The following FAT2 variants were observed in gnomAD, a reference collection of about 807,000 sequenced individuals.
FAT2 encodes FAT atypical cadherin 2.
A neutral mutation model predicts 295.3 loss-of-function variants in FAT2; 150 were observed. That is an observed-to-expected ratio of 0.51 (90% confidence interval 0.44 to 0.58). The LOEUF is 0.58. Ranked by LOEUF, FAT2 falls within the 20% of genes least tolerant of loss-of-function variation. The pLI is 0.00. For missense variants in FAT2, 4,868 were observed against 5,442.7 expected, an observed-to-expected ratio of 0.89 and a Z score of 3.32; for synonymous variants, 2,026 against 2,150.3, an observed-to-expected ratio of 0.94 and a Z score of 1.60.
chr5:151,574,705 T>C (rs1270854910), intron 1 of FAT2, among the ~76,000 whole-genome samples: 1 of 152,216 alleles, frequency 6.6e-6, no homozygotes, highest in Non-Finnish European at 1.5e-5. Context: ...GAACACCAGC[T>C]CTATTGGTTT....
chr5:151,561,068 G>A (rs557146093), intron 3 of FAT2, among the ~76,000 whole-genome samples: 45 of 152,340 alleles, frequency 3.0e-4, no homozygotes, highest in East Asian at 1.2e-3. Context: ...TGAATATAAC[G>A]TCCTGTATGA....
Position 151,512,713 on chromosome 5 carries a change from G to C in FAT2, c.11464-107C>G. ...TTGTTTGTATTTTTATGGGTAGGAGGGGGGTGTTTGGCTGTTTTAGACATG... is the reference window on the plus strand; with the variant it reads ...TTGTTTGTATTTTTATGGGTAGGAGCGGGGTGTTTGGCTGTTTTAGACATG... On this transcript the variant is annotated intron_variant, in intron 20 of 23. Coordinates refer to ENST00000261800, the MANE Select transcript of FAT2 (RefSeq NM_001447.3). This position sits in a 1 kb window ranked among gnomAD's most constrained non-coding sequence, Gnocchi z 4.1. The C allele has an allele frequency of 5.7e-6, 6 of 1,055,616 alleles. No homozygotes were observed. Among genetic ancestry groups the C allele is most frequent in the Middle Eastern group, 2.4e-4 (1 of 4,132 alleles). 65.4% of individuals were successfully genotyped at this position (1,055,616 alleles called of 1,614,324 possible).
At position 151,567,522 on chromosome 5, in the gene FAT2, G is replaced by A. The variant is rs1222688569; in HGVS notation, c.1410C>T (p.Asn470=). The A allele has an allele frequency of 6.2e-7, 1 of 1,614,158 alleles. No homozygotes were observed. The highest frequency in any genetic ancestry group is 1.7e-5 in the Admixed American group (1 of 60,024). ...CCAAAACACTGGTGCCTGGAGGGAT[G>A]TTCTCATCCAAGGTACCATCATAGG... is the stretch of plus-strand genomic sequence containing the variant. The part of the protein sequence containing the change: ...RSSYDGTLDE[N]IPPGTSVLAV... Residue 470 remains asparagine, a synonymous_variant, in exon 2 of 24, where the codon AAC becomes AAT. Coordinates refer to ENST00000261800, the MANE Select transcript of FAT2 (RefSeq NM_001447.3).
chr5:151,567,000 A>G lies in FAT2; in HGVS notation c.1932T>C (p.Asp644=), dbSNP rs530306951. 2.2e-4 allele frequency: 356 copies of G among 1,614,174 alleles called. No homozygotes were observed. The South Asian group carries it at 3.7e-3, about 17-fold the overall frequency. Residue 644 remains aspartate (D), a synonymous_variant, in exon 2 of 24, where the codon GAT becomes GAC. Coordinates refer to ENST00000261800, the MANE Select transcript of FAT2 (RefSeq NM_001447.3). ...TTGTGGGTGAGGCATAGTTTTTGCC[A>G]TCTGAGGCTGTAATCTTCAGGGAAT... ...TSYSLKITAS[D]GKNYASPTTL...
At chr5:151,563,002 T>C (rs1758086795) in intron 3 of FAT2, among the ~76,000 whole-genome samples, 2 of 152,174 alleles carry the variant, frequency 1.3e-5, no homozygotes, top group African/African-American at 2.4e-5. Flanking sequence ...GGTTGACCAA[T>C]GGGCAACCTG....
rs145497445 is a variant in FAT2, at chr5:151,521,600, T to G, written c.10993A>C (p.Asn3665His). 1.4e-5 allele frequency: 23 copies of G among 1,614,086 alleles called. No individual in the cohort carries two copies. The highest frequency in any genetic ancestry group is 1.5e-5 in the Non-Finnish European group (18 of 1,180,042). The change falls in exon 19 of 24, where the codon AAC becomes CAC. Residue 3665 changes from asparagine to histidine, a missense_variant. Asn to His is a moderately conservative substitution (Grantham distance 68). Around this residue, in one of 5 missense-constraint regions of FAT2, gnomAD observed 1,046 missense variants for 1,210.1 expected, o/e 0.86. Transcript: ENST00000261800. ...GGCTGGAGGCTGGCCAAGTGAATGT[T>G]AGCCCGTTTGATGTCCAGCTTATGG... ...LSHKLDIKRANIHLASLQPAE... is the reference protein window; with the variant it reads ...LSHKLDIKRAHIHLASLQPAE...
rs1180729279 is a variant in FAT2 at position 151,546,303 on chromosome 5, C to T, written c.4824G>A (p.Leu1608=). 4 of 1,613,616 alleles carry T rather than the reference C, an allele frequency of 2.5e-6. No homozygotes were observed. The highest frequency in any genetic ancestry group is 4.5e-5 in the East Asian group (2 of 44,892). Residue 1608 remains leucine, a synonymous_variant, in exon 10 of 24, where the codon CTG becomes CTA. Coordinates refer to ENST00000261800, the MANE Select transcript of FAT2 (RefSeq NM_001447.3). ...NSEGFFNINA[L]LGIITLAQKL... is the part of the protein sequence containing the mutation. ...TTTGAGCTAGAGTAATGATGCCTAG[C>T]AGGGCATTGATGTTGAAGAAACCTT...
intron 3 of FAT2, among the ~76,000 whole-genome samples, chr5:151,561,975 A>C (rs181560364): frequency 2.1e-4 from 32 of 152,176 alleles, no homozygotes; most frequent in African/African-American, 7.5e-4. Context: ...CTTAGGTGAG[A>C]GATCTCTTCC....
At chr5:151,557,961 T>A (rs1757845603) in intron 3 of FAT2, among the ~76,000 whole-genome samples, 1 of 152,140 alleles carries the variant, frequency 6.6e-6, no homozygotes, top group Non-Finnish European at 1.5e-5. Flanking sequence ...GACCCACTAA[T>A]CCCCTCTGTG....
rs763553554 is a variant in FAT2, at chr5:151,517,592, G to A, written c.11463+28C>T. On this transcript the variant is annotated intron_variant, in intron 20 of 23. Transcript: ENST00000261800. The stretch of plus-strand genomic sequence containing the variant: ...CCTCCCCAGCCTGGGACACCCACAT[G>A]AAATCTCTCAGGCTGGCAGTGCCTT... 3 of 1,613,006 alleles carry A rather than the reference G, an allele frequency of 1.9e-6. No homozygotes were observed. In the South Asian group the frequency reaches 3.3e-5, roughly 18 times the overall value.
chr5:151,574,355 G>A (rs575007814), intron 1 of FAT2, among the ~76,000 whole-genome samples: 3 of 152,186 alleles, frequency 2.0e-5, no homozygotes, highest in African/African-American at 7.2e-5. Flanking sequence ...TCTGCCCCAG[G>A]TGTTCAGTGC....
chr5:151,523,262 ATAC>A (rs55636508), intron 18 of FAT2, among the ~76,000 whole-genome samples: 4,036 of 152,336 alleles, frequency 0.026, 80 homozygotes, highest in Non-Finnish European at 0.044. Flanking sequence ...AGTTACAACA[ATAC>A]TACTACTACC....
chr5:151,573,014 T>C (rs972161396), intron 1 of FAT2, among the ~76,000 whole-genome samples: 1 of 152,258 alleles, frequency 6.6e-6, no homozygotes. Context: ...TTTTGAATAA[T>C]TGTGTGGGTA....
Position 151,512,681 on chromosome 5 carries a change from A to G in FAT2, c.11464-75T>C. ...AACCTGCTAAGAGGCTGCCAGTTCA[A>G]AGAATGTTGTTTGTATTTTTATGGG... is the stretch of plus-strand genomic sequence containing the variant. On this transcript the variant is annotated intron_variant, in intron 20 of 23. Transcript: ENST00000261800. The surrounding 1 kb of genome is among the most constrained non-coding windows in gnomAD (Gnocchi z 4.1). The G allele has an allele frequency of 7.5e-7, 1 of 1,338,742 alleles. No homozygotes were observed. Among genetic ancestry groups the G allele is most frequent in the Non-Finnish European group, 1.0e-6 (1 of 982,030 alleles). The allele number at this position is 1,338,742 out of a possible 1,614,324, so 82.9% of individuals were successfully genotyped here.
chr5:151,507,640 A>T, intron 22 of FAT2, 29 bp from the exon 23 acceptor site: 1 of 1,560,448 alleles, frequency 6.4e-7, no homozygotes, highest in Non-Finnish European at 8.7e-7. Context: ...CAGGGGGCCA[A>T]GTCATGAAAT....
chr5:151,528,567 C>T (rs567764567), intron 15 of FAT2, among the ~76,000 whole-genome samples: 5 of 152,190 alleles, frequency 3.3e-5, no homozygotes, highest in South Asian at 2.1e-4. Flanking sequence ...GCAGGCAATC[C>T]AGGAGAGGAA....
At chr5:151,556,781 C>T (rs1460803810) in intron 3 of FAT2, among the ~76,000 whole-genome samples, 2 of 152,116 alleles carry the variant, frequency 1.3e-5, no homozygotes, top group East Asian at 1.9e-4. Flanking sequence ...TGAGCGCATA[C>T]GAGGTAGGCA....
At chr5:151,555,679 T>A (rs1283464230) in intron 4 of FAT2, among the ~76,000 whole-genome samples, 1 of 152,186 alleles carries the variant, frequency 6.6e-6, no homozygotes, top group Non-Finnish European at 1.5e-5. Flanking sequence ...TAATAACACC[T>A]GTTTCTTACC....
rs944917805 is a variant in FAT2, at chr5:151,566,641, T to A, written c.2291A>T (p.Asp764Val). Residue 764 changes from aspartate (D) to valine (V), a missense_variant, in exon 2 of 24, where the codon GAC becomes GTC. By Grantham distance (152) the Asp-to-Val change is radical. This residue lies in a region of FAT2 where 3,297 missense variants were observed against 3,669.4 expected (regional missense o/e 0.90). Coordinates refer to ENST00000261800, the MANE Select transcript of FAT2 (RefSeq NM_001447.3). ...IADGNEEGCF[D>V]IELETGLLTV... ...GAGCAGCCCTGTCTCCAGCTCTATGTCAAAGCAGCCCTCCTCATTGCCATC... is the reference window on the plus strand; with the variant it reads ...GAGCAGCCCTGTCTCCAGCTCTATGACAAAGCAGCCCTCCTCATTGCCATC... The A allele has an allele frequency of 6.2e-7, 1 of 1,614,172 alleles. No individual in the cohort carries two copies. The highest frequency in any genetic ancestry group is 2.2e-5 in the East Asian group (1 of 44,886).
Sources: gnomAD v4.1 joint callset for allele counts (sites outside exome capture counted in the v4.1 genomes callset) on GRCh38, gnomAD v4.1.1 for gene constraint, gnomAD v4.1.1 regional missense constraint, Gnocchi (gnomAD v3.1) non-coding constraint, MANE v1.5 for transcripts, NCBI Gene and HGNC (gene_info 2026-07-23, HGNC 2026-07-21) for gene names.